ANO10: variants seen among roughly 807,000 people sequenced by gnomAD.
The protein encoded by ANO10 is anoctamin-10.
A neutral mutation model predicts 74.7 loss-of-function variants in ANO10; 77 were observed. That is an observed-to-expected ratio of 1.03 (90% CI 0.86 to 1.25). ANO10 has a LOEUF of 1.25. Ranked by LOEUF, ANO10 falls within the 50% of genes most tolerant of loss-of-function variation. ANO10 has a pLI of 0.00. For synonymous variants in ANO10, 279 were observed against 284.9 expected (o/e 0.98, Z 0.21); for missense variants, 721 against 778.1 (o/e 0.93, Z 0.87).
At chr3:43,676,294 A>C (rs2084120129) in intron 1 of ANO10, among the ~76,000 whole-genome samples, 3 of 147,468 alleles carry the variant, frequency 2.0e-5, no homozygotes, top group African/African-American at 8.0e-5. Context: ...CCCTGTATGT[A>C]CAAAAAAAAG....
intron 12 of ANO10, among the ~76,000 whole-genome samples, chr3:43,411,050 T>A (rs1277322727): frequency 1.3e-5 from 2 of 152,044 alleles, no homozygotes; most frequent in Admixed American, 1.3e-4. Context: ...AAATCTCTGG[T>A]ATGTGTACAC....
chr3:43,590,643 G>GA (rs2081693264), intron 4 of ANO10, among the ~76,000 whole-genome samples: 1 of 152,044 alleles, frequency 6.6e-6, no homozygotes, highest in African/African-American at 2.4e-5. Context: ...TGCCATGAGG[G>GA]AAAAAATGGA....
At chr3:43,620,744 G>A (rs965475115) in intron 1 of ANO10, among the ~76,000 whole-genome samples, 9 of 152,180 alleles carry the variant, frequency 5.9e-5, no homozygotes, top group Non-Finnish European at 7.3e-5. Flanking sequence ...CAGCCTGAGC[G>A]ACAGAGCAAG....
intron 11 of ANO10, among the ~76,000 whole-genome samples, chr3:43,520,500 C>T (rs976414265): frequency 6.6e-6 from 1 of 152,074 alleles, no homozygotes; most frequent in African/African-American, 2.4e-5. Context: ...GCTGTTTGCA[C>T]CATTTGTTGA....
At chr3:43,422,841 C>T (rs749970492) in intron 12 of ANO10, among the ~76,000 whole-genome samples, 2 of 152,124 alleles carry the variant, frequency 1.3e-5, no homozygotes, top group Non-Finnish European at 2.9e-5. Flanking sequence ...AGGAAGACAA[C>T]GATCAGAAGA....
chr3:43,581,080 T>C (rs1352550474), intron 4 of ANO10, among the ~76,000 whole-genome samples: 1 of 152,202 alleles, frequency 6.6e-6, no homozygotes, highest in African/African-American at 2.4e-5. Flanking sequence ...TTAGTAAATA[T>C]ACTTAGAGGG....
At chr3:43,649,250 C>G (rs193103724) in intron 1 of ANO10, among the ~76,000 whole-genome samples, 1 of 152,318 alleles carries the variant, frequency 6.6e-6, no homozygotes, top group Admixed American at 6.5e-5. Context: ...TTTGACTTTA[C>G]TCTTCCATAA....
At chr3:43,611,197 T>C (rs2082802314) in intron 1 of ANO10, among the ~76,000 whole-genome samples, 1 of 152,156 alleles carries the variant, frequency 6.6e-6, no homozygotes, top group Non-Finnish European at 1.5e-5. Flanking sequence ...AGGGAGTGCT[T>C]CTATCTCTCC....
At chr3:43,594,140 A>G (rs1302969209) in intron 4 of ANO10, among the ~76,000 whole-genome samples, 1 of 152,216 alleles carries the variant, frequency 6.6e-6, no homozygotes, top group Non-Finnish European at 1.5e-5. Flanking sequence ...AAAGAGACTT[A>G]GACTCCCACA....
chr3:43,519,018 G>T (rs1306640480), intron 11 of ANO10, among the ~76,000 whole-genome samples: 1 of 152,074 alleles, frequency 6.6e-6, no homozygotes, highest in Non-Finnish European at 1.5e-5. Flanking sequence ...AAACTTGCTG[G>T]TTTTGCGGCT....
intron 5 of ANO10, among the ~76,000 whole-genome samples, chr3:43,579,585 G>A (rs183593975): frequency 2.5e-4 from 38 of 152,242 alleles, no homozygotes; most frequent in African/African-American, 6.3e-4. Flanking sequence ...CAGGCATGGT[G>A]GCACATGCCT....
intron 10 of ANO10, among the ~76,000 whole-genome samples, chr3:43,552,495 G>A (rs2079511937): frequency 6.6e-6 from 1 of 151,858 alleles, no homozygotes; most frequent in Non-Finnish European, 1.5e-5. Flanking sequence ...GAGAAGAAAA[G>A]TCTATTTTGT....
chr3:43,521,989 T>C (rs2077977584), intron 11 of ANO10, among the ~76,000 whole-genome samples: 1 of 152,192 alleles, frequency 6.6e-6, no homozygotes, highest in Non-Finnish European at 1.5e-5. Context: ...TGATACATAC[T>C]ATAACATGGG....
At position 43,404,073 on chromosome 3, in the gene ANO10, C is replaced by A. The variant is rs553437111; in HGVS notation, c.1914+28538G>T. The stretch of plus-strand genomic sequence containing the variant: ...GATGTTTTCAGATGTAATTAAGGTC[C>A]CTATTCAGCTGACTTTAAGTTAACC... On this transcript the variant is annotated intron_variant, in intron 12 of 12. Coordinates refer to ENST00000292246, the MANE Select transcript of ANO10 (RefSeq NM_018075.5). 3.9e-5 allele frequency among the ~76,000 whole-genome samples: 6 copies of A among 152,170 alleles called. No individual in the cohort carries two copies. In the East Asian group the frequency reaches 1.2e-3, roughly 29 times the overall value.
At chr3:43,473,083 C>A (rs572157267) in intron 11 of ANO10, among the ~76,000 whole-genome samples, 1 of 152,266 alleles carries the variant, frequency 6.6e-6, no homozygotes, top group African/African-American at 2.4e-5. Flanking sequence ...GGAGAGAAAT[C>A]ATTCACAAAA....
intron 1 of ANO10, among the ~76,000 whole-genome samples, chr3:43,647,170 T>TGG (rs1553609929): frequency 4.0e-5 from 6 of 151,308 alleles, no homozygotes; most frequent in Non-Finnish European, 7.4e-5. Flanking sequence ...TGTGTGTGTG[T>TGG]GTGTGTGTGT....
chr3:43,625,310 A>G (rs1304800269), upstream of ANO10, among the ~76,000 whole-genome samples: 1 of 152,214 alleles, frequency 6.6e-6, no homozygotes, highest in Admixed American at 6.5e-5. Flanking sequence ...TTCCCTATTC[A>G]TCTGTCCTCA....
At chr3:43,673,960 G>C (rs2084090559) in intron 1 of ANO10, among the ~76,000 whole-genome samples, 1 of 152,146 alleles carries the variant, frequency 6.6e-6, no homozygotes, top group South Asian at 2.1e-4. Context: ...TAATAAGTCA[G>C]AAAAGTCACA....
rs1389923148 is a variant in ANO10 at position 43,555,396 on chromosome 3, A to G, written c.1550T>C (p.Leu517Ser). The G allele has an allele frequency of 5.0e-6, 8 of 1,614,194 alleles. No homozygotes were observed. Among genetic ancestry groups the G allele is most frequent in the Non-Finnish European group, 5.9e-6 (7 of 1,180,022 alleles). ...YVSLFSCVYP[L>S]AAAFAVLNNF... Reference sequence around the variant, plus strand: ...ATTTAACACAGCAAAGGCAGCTGCTAATGGGTAAACACAGGAGAAAAGGCT... The same window carrying G: ...ATTTAACACAGCAAAGGCAGCTGCTGATGGGTAAACACAGGAGAAAAGGCT... The change falls in exon 10 of 13, where the codon TTA becomes TCA. Residue 517 changes from leucine to serine, a missense_variant. Coordinates refer to ENST00000292246, the MANE Select transcript of ANO10 (RefSeq NM_018075.5).
Sources: allele counts gnomAD v4.1 joint callset (sites outside exome capture counted in the v4.1 genomes callset), GRCh38; gene constraint gnomAD v4.1.1; transcripts MANE v1.5; gene names NCBI Gene and HGNC (gene_info 2026-07-23, HGNC 2026-07-21).